Variants in CPNE2 observed in about 807,000 individuals in gnomAD.
CPNE2 encodes the protein copine 2.
In CPNE2, 42 loss-of-function variants were observed where a neutral mutation model predicts 69.7. The observed-to-expected ratio is 0.60, with a 90% CI of 0.47 to 0.78. The LOEUF is 0.78. CPNE2 is among the 30% of genes least tolerant of loss of function. The pLI is 0.00. For missense variants in CPNE2, 587 were observed against 732.0 expected (o/e 0.80, Z 2.29); for synonymous variants, 294 against 289.8 (o/e 1.01, Z -0.15).
rs138717944 is a variant in CPNE2 at position 57,123,451 on chromosome 16, G to C, written c.905G>C (p.Gly302Ala). Reference sequence around the variant, plus strand: ...TACTCCTTCCTTGACTACATCCTGGGAGGCTGCCAGCTCATGTTCACCGTA... The same window carrying C: ...TACTCCTTCCTTGACTACATCCTGGCAGGCTGCCAGCTCATGTTCACCGTA... ...RDYSFLDYIL[G>A]GCQLMFTVGI... Residue 302 changes from glycine (G) to alanine (A), a missense_variant, in exon 10 of 16, where the codon GGA becomes GCA. Gly to Ala is a moderately conservative substitution (Grantham distance 60, BLOSUM62 0). Around this residue, in one of 5 missense-constraint regions of CPNE2, gnomAD observed 269 missense variants for 300.5 expected, o/e 0.90. Transcript: ENST00000290776. 1 of 1,613,258 alleles carries C rather than the reference G, an allele frequency of 6.2e-7. No individual in the cohort carries two copies. The highest frequency in any genetic ancestry group is 1.1e-5 in the South Asian group (1 of 91,068).
intron 1 of CPNE2, among the ~76,000 whole-genome samples, chr16:57,107,543 AGAG>A (rs1166436902): frequency 7.2e-5 from 11 of 152,270 alleles, no homozygotes; most frequent in African/African-American, 2.4e-4. Context: ...TGGGTGAAAG[AGAG>A]GAGGAGTGGA....
At chr16:57,112,692 A>G (rs57508995) in intron 2 of CPNE2, 13,269 of 152,276 alleles carry the variant, frequency 0.087, 683 homozygotes, top group East Asian at 0.24. Flanking sequence ...TGGTATCCAC[A>G]GTAGGTGGGG....
intron 3 of CPNE2, among the ~76,000 whole-genome samples, chr16:57,114,851 AC>A (rs2069706476): frequency 6.9e-6 from 1 of 144,528 alleles, no homozygotes; most frequent in East Asian, 2.1e-4. Flanking sequence ...TAATCCCAGC[AC>A]TTTGGGAGGC....
Position 57,148,090 on chromosome 16 carries a change from T to C in CPNE2, c.*432T>C, listed in dbSNP as rs1428014015. The C allele has an allele frequency of 1.3e-5, 2 of 154,392 alleles. No individual in the cohort carries two copies. Among genetic ancestry groups the C allele is most frequent in the African/African-American group, 4.8e-5 (2 of 41,520 alleles). The allele number at this position is 154,392 out of a possible 1,614,324, so 9.6% of individuals were successfully genotyped here. A position where few individuals can be genotyped will look rare whatever the true frequency, so the allele number is the denominator to read the frequency against. ...TTTTAATACTGTGACTGTGTTCTAT[T>C]TGTTATATGCTCAGGGTAACAAATG... On this transcript the variant is annotated 3_prime_UTR_variant, in exon 16 of 16. Transcript: ENST00000290776.
chr16:57,145,785 CAGGCCCAGAG>C (rs2069952789), intron 14 of CPNE2: 6 of 424,294 alleles, frequency 1.4e-5, no homozygotes, highest in Non-Finnish European at 2.6e-5. Context: ...CTGGCAAGGC[CAGGCCCAGAG>C]TCCAGGGCTC....
At chr16:57,122,200 T>C (rs1307014801) in intron 9 of CPNE2, among the ~76,000 whole-genome samples, 3 of 152,198 alleles carry the variant, frequency 2.0e-5, no homozygotes, top group African/African-American at 2.4e-5. Flanking sequence ...ATGAAGTTCA[T>C]GTCAGCAGTG....
At position 57,131,957 on chromosome 16, in the gene CPNE2, C is replaced by T. The variant is rs550697654; in HGVS notation, c.1117-2818C>T. On this transcript the variant is annotated intron_variant, in intron 12 of 15. Transcript: ENST00000290776. ...CCTTCTTCCTGCCCAGAGCCCTGCC[C>T]TCATGGAACTCTGTGACTTGTTTGT... is the stretch of plus-strand genomic sequence containing the variant. Among the ~76,000 whole-genome samples the T allele has an allele frequency of 1.3e-3, 203 of 152,352 alleles. 1 individual carries two copies. The highest frequency in any genetic ancestry group is 4.8e-3 in the African/African-American group (201 of 41,572).
At chr16:57,107,760 TATCAGAGCCCACAGCTCCTG>T (rs1266109501) in intron 1 of CPNE2, among the ~76,000 whole-genome samples, 28 of 152,066 alleles carry the variant, frequency 1.8e-4, no homozygotes, top group Admixed American at 3.9e-4. Context: ...TCAGACACCC[TATCAGAGCCCACAGCTCCTG>T]CAGGTCCTGG....
intron 1 of CPNE2, among the ~76,000 whole-genome samples, chr16:57,105,457 A>G (rs779470819): frequency 6.7e-6 from 1 of 149,680 alleles, no homozygotes; most frequent in Non-Finnish European, 1.5e-5. Flanking sequence ...AACTTTTAAG[A>G]CAGGGTTTTG....
rs1440492702 is a variant in CPNE2, at chr16:57,125,941, G to A, written c.1009G>A (p.Glu337Lys). The change falls in exon 11 of 16, where the codon GAA becomes AAA. Residue 337 changes from glutamate to lysine, a missense_variant. Coordinates refer to ENST00000290776, the MANE Select transcript of CPNE2 (RefSeq NM_152727.6). ...LHYINPMGTN[E>K]YLSAIWAVGQ... ...CTATATCAACCCTATGGGCACCAACGAATATCTGTCGGCCATCTGGGCTGT... is the reference window on the plus strand; with the variant it reads ...CTATATCAACCCTATGGGCACCAACAAATATCTGTCGGCCATCTGGGCTGT... The A allele has an allele frequency of 1.2e-6, 2 of 1,614,140 alleles. No homozygotes were observed. Among genetic ancestry groups the A allele is most frequent in the African/African-American group, 1.3e-5 (1 of 75,042 alleles).
At chr16:57,104,932 G>T (rs1433683921) in intron 1 of CPNE2, among the ~76,000 whole-genome samples, 1 of 152,222 alleles carries the variant, frequency 6.6e-6, no homozygotes, top group East Asian at 1.9e-4. Context: ...AAGCGAGGGG[G>T]AGGGTGGCAG....
In CPNE2 at chr16:57,147,776, T is replaced by A; in HGVS notation, c.*118T>A. Reference sequence around the variant, plus strand: ...TTTACCGATCCCCTTTTTTATTTTTTACAACCGGACCTCCACCCCCAACTT... The same window carrying A: ...TTTACCGATCCCCTTTTTTATTTTTAACAACCGGACCTCCACCCCCAACTT... On this transcript the variant is annotated 3_prime_UTR_variant, in exon 16 of 16. Transcript: ENST00000290776. 1 of 590,504 alleles carries A rather than the reference T, an allele frequency of 1.7e-6. No homozygotes were observed. The highest frequency in any genetic ancestry group is 2.7e-6 in the Non-Finnish European group (1 of 374,110). The allele number at this position is 590,504 out of a possible 1,614,324, so 36.6% of individuals were successfully genotyped here. A position where few individuals can be genotyped will look rare whatever the true frequency, so the allele number is the denominator to read the frequency against.
intron 14 of CPNE2, chr16:57,144,275 T>G (rs767299657): frequency 2.6e-5 from 4 of 152,376 alleles, no homozygotes; most frequent in Non-Finnish European, 5.9e-5. Context: ...CACTGCTGCC[T>G]GGAGCTGGGG....
chr16:57,126,326 G>A (rs80278998), intron 11 of CPNE2, among the ~76,000 whole-genome samples: 1,837 of 151,316 alleles, frequency 0.012, 20 homozygotes, highest in South Asian at 0.055. Flanking sequence ...GCCTGGGGTG[G>A]GAGTGGAAAA....
At chr16:57,103,702 G>T (rs1457115768) in intron 1 of CPNE2, among the ~76,000 whole-genome samples, 1 of 152,074 alleles carries the variant, frequency 6.6e-6, no homozygotes, top group Non-Finnish European at 1.5e-5. Flanking sequence ...TAAGTTGGAG[G>T]TCCCCCCACC....
At chr16:57,123,195 T>C in intron 9 of CPNE2, 1 of 581,250 alleles carries the variant, frequency 1.7e-6, no homozygotes, top group Non-Finnish European at 3.1e-6. Flanking sequence ...TGTGTATCTG[T>C]GGGGTGTGGG....
chr16:57,147,652 C>T lies in CPNE2; in HGVS notation c.1641C>T (p.Pro547=), dbSNP rs147340450. ...HKNLPPTNSE[P]A ...ACCTGCCCCCCACCAACTCGGAGCC[C>T]GCCTGAGCTCCAGTGCCCAGCAGCA... Residue 547 remains proline, a synonymous_variant, in exon 16 of 16, where the codon CCC becomes CCT. Coordinates refer to ENST00000290776, the MANE Select transcript of CPNE2 (RefSeq NM_152727.6). 196 of 1,599,102 alleles carry T rather than the reference C, an allele frequency of 1.2e-4. No individual in the cohort carries two copies. The African/African-American group carries it at 1.9e-3, about 15-fold the overall frequency.
At chr16:57,098,247 G>T (rs1305938516) in intron 1 of CPNE2, among the ~76,000 whole-genome samples, 1 of 152,236 alleles carries the variant, frequency 6.6e-6, no homozygotes, top group Non-Finnish European at 1.5e-5. Flanking sequence ...CAGCCTCCTC[G>T]CCATGCTGTC....
chr16:57,107,458 C>G (rs969426740), intron 1 of CPNE2, among the ~76,000 whole-genome samples: 4 of 152,180 alleles, frequency 2.6e-5, no homozygotes, highest in Non-Finnish European at 5.9e-5. Flanking sequence ...CTCACCCTGG[C>G]CTCCTGCAGA....
Sources: allele counts gnomAD v4.1 joint callset (sites outside exome capture counted in the v4.1 genomes callset), GRCh38; gene constraint gnomAD v4.1.1; regional missense constraint gnomAD v4.1.1; transcripts MANE v1.5; gene names NCBI Gene and HGNC (gene_info 2026-07-23, HGNC 2026-07-21).